DNAH9: variants seen among roughly 807,000 people sequenced by gnomAD.
DNAH9 encodes the protein DNAH9 variant protein.
DNAH9 carries 345 observed loss-of-function variants against 471.6 expected under a neutral mutation model. The ratio of observed to expected loss-of-function variants is 0.73; its 90% CI spans 0.67 to 0.80. DNAH9 has a LOEUF of 0.80. DNAH9 is among the 30% of genes least tolerant of loss of function. The pLI is 0.00. For synonymous variants in DNAH9, 2,093 were observed against 2,123.6 expected (o/e 0.99, Z 0.40); for missense variants, 5,407 against 5,609.2 (o/e 0.96, Z 1.15).
intron 15 of DNAH9, among the ~76,000 whole-genome samples, chr17:11,667,077 G>A (rs1438204731): frequency 1.3e-5 from 2 of 152,054 alleles, no homozygotes; most frequent in Non-Finnish European, 1.5e-5. Context: ...TTACATTGGC[G>A]TTACATCCAA....
intron 5 of DNAH9, 70 bp from the exon 6 acceptor site, chr17:11,619,478 T>C: frequency 1.2e-6 from 1 of 832,298 alleles, no homozygotes; most frequent in African/African-American, 1.7e-5. Flanking sequence ...ATGATTCAGT[T>C]CAGAGTTGGT....
In DNAH9 at chr17:11,608,233, A is replaced by T. The variant is rs770232544; in HGVS notation, c.522A>T (p.Ser174=). Residue 174 remains serine (S), a synonymous_variant, in exon 2 of 69, where the codon TCA becomes TCT. Coordinates refer to ENST00000262442, the MANE Select transcript of DNAH9 (RefSeq NM_001372.4). The part of the protein sequence containing the change: ...RHAHSLQCDL[S]VILEQVKGKT... ...CCCACAGCCTCCAATGTGACCTCTC[A>T]GTTATACTTGAGCAAGTGAAGGGAA... The T allele has an allele frequency of 6.2e-7, 1 of 1,614,056 alleles. No homozygotes were observed. The highest frequency in any genetic ancestry group is 8.5e-7 in the Non-Finnish European group (1 of 1,179,926).
In DNAH9 at chr17:11,745,038, C is replaced by T. The variant is rs147900285; in HGVS notation, c.6353C>T (p.Ala2118Val). The change falls in exon 31 of 69, where the codon GCG becomes GTG. Residue 2118 changes from alanine (A) to valine (V), a missense_variant. Around this residue, in one of 3 missense-constraint regions of DNAH9, gnomAD observed 4,636 missense variants for 4,900.3 expected, o/e 0.95. Coordinates refer to ENST00000262442, the MANE Select transcript of DNAH9 (RefSeq NM_001372.4). Reference sequence around the variant, plus strand: ...AACTTCGAAGCTTTGGTTAGGAAGGCGATAGTGGATCTGAAGCTCCAGGCT... The same window carrying T: ...AACTTCGAAGCTTTGGTTAGGAAGGTGATAGTGGATCTGAAGCTCCAGGCT... ...DPNFEALVRK[A>V]IVDLKLQAED... The T allele has an allele frequency of 8.7e-6, 14 of 1,613,928 alleles. No individual in the cohort carries two copies. Among genetic ancestry groups the T allele is most frequent in the African/African-American group, 5.3e-5 (4 of 74,916 alleles).
At chr17:11,670,726 G>A (rs2073959622) in intron 17 of DNAH9, among the ~76,000 whole-genome samples, 1 of 148,538 alleles carries the variant, frequency 6.7e-6, no homozygotes, top group South Asian at 2.1e-4. Context: ...TTTTTGAGAT[G>A]CAGTTTTGCT....
chr17:11,887,990 T>TG (rs1972930874), intron 57 of DNAH9, among the ~76,000 whole-genome samples: 1 of 150,116 alleles, frequency 6.7e-6, no homozygotes, highest in Non-Finnish European at 1.5e-5. Flanking sequence ...GGTTTTTTGT[T>TG]TTTTTTTTTT....
chr17:11,869,190 C>A lies in DNAH9; in HGVS notation c.9990C>A (p.Asp3330Glu). 6.2e-7 allele frequency: 1 copy of A among 1,613,826 alleles called. No homozygotes were observed. The highest frequency in any genetic ancestry group is 8.5e-7 in the Non-Finnish European group (1 of 1,179,808). ...CCAGGTTTGAGAAAGCAACAGCAGACAAACTCAAATGTCAGCAAGAAGCCG... is the reference window on the plus strand; with the variant it reads ...CCAGGTTTGAGAAAGCAACAGCAGAAAAACTCAAATGTCAGCAAGAAGCCG... The part of the protein sequence containing the change: ...LTARFEKATA[D>E]KLKCQQEAEV... The change falls in exon 51 of 69, where the codon GAC (aspartate) becomes GAA (glutamate). Residue 3330 changes from aspartate (D) to glutamate (E), a missense_variant. By Grantham distance (45) the Asp-to-Glu change is conservative (BLOSUM62 2). Transcript: ENST00000262442.
In DNAH9 at chr17:11,598,723, G is replaced by GCCCGGGCCCAGGGGCCTGGCAATACGC. The variant is rs2072314281; in HGVS notation, c.233_259dup (p.Pro78_Gly86dup). ...GGCCGCGGCCGCTGCTGGTGGTGCG[G>GCCCGGGCCCAGGGGCCTGGCAATACGC]CCCGGGCCCAGGGGCCTGGCAATAC... On this transcript the variant is annotated inframe_insertion, in exon 1 of 69. Transcript: ENST00000262442. The GCCCGGGCCCAGGGGCCTGGCAATACGC allele has an allele frequency of 7.2e-7, 1 of 1,388,360 alleles. No homozygotes were observed. The highest frequency in any genetic ancestry group is 9.3e-7 in the Non-Finnish European group (1 of 1,078,708). 86.0% of individuals were successfully genotyped at this position (1,388,360 alleles called of 1,614,324 possible).
intron 48 of DNAH9, among the ~76,000 whole-genome samples, chr17:11,830,152 G>C (rs1970638369): frequency 6.6e-6 from 1 of 152,148 alleles, no homozygotes; most frequent in Admixed American, 6.5e-5. Context: ...GGCATCTTCT[G>C]TTTCTGCGTC....
intron 17 of DNAH9, among the ~76,000 whole-genome samples, chr17:11,670,079 G>A (rs2073949980): frequency 6.6e-6 from 1 of 152,200 alleles, no homozygotes; most frequent in Non-Finnish European, 1.5e-5. Flanking sequence ...GCAGATCCAA[G>A]CTTCCTTCAC....
intron 29 of DNAH9, among the ~76,000 whole-genome samples, chr17:11,740,963 A>T (rs925470510): frequency 8.0e-6 from 1 of 124,276 alleles, no homozygotes. Context: ...TTAGTATCCT[A>T]CTTTCATTAA....
In DNAH9 at chr17:11,891,225, C is replaced by T. The variant is rs944024342; in HGVS notation, c.11113-552C>T. 2.1e-4 allele frequency among the ~76,000 whole-genome samples: 32 copies of T among 152,102 alleles called. 1 individual carries two copies. The highest frequency in any genetic ancestry group is 1.8e-3 in the Admixed American group (27 of 15,264). On this transcript the variant is annotated intron_variant, in intron 57 of 68. Coordinates refer to ENST00000262442, the MANE Select transcript of DNAH9 (RefSeq NM_001372.4). ...AGAAAGGAGGCTGCTTGCAAGGACT[C>T]GTCTTATCACTGCAGAGGTATATAT...
intron 29 of DNAH9, 49 bp from the exon 30 acceptor site, chr17:11,742,126 A>G (rs2075441490): frequency 6.3e-7 from 1 of 1,594,452 alleles, no homozygotes; most frequent in African/African-American, 1.3e-5. Flanking sequence ...TCTCCTCTTC[A>G]ACACTGTACT....
chr17:11,806,242 G>C (rs1190488242), intron 43 of DNAH9, among the ~76,000 whole-genome samples: 1 of 152,170 alleles, frequency 6.6e-6, no homozygotes, highest in Non-Finnish European at 1.5e-5. Context: ...CCCAGGAAAA[G>C]TACATGTCGG....
At chr17:11,698,797 G>A (rs576439115) in intron 22 of DNAH9, among the ~76,000 whole-genome samples, 1 of 151,790 alleles carries the variant, frequency 6.6e-6, no homozygotes, top group Non-Finnish European at 1.5e-5. Context: ...ATCCCTCCTA[G>A]CACTACAGCC....
At chr17:11,844,183 A>G (rs1391892097) in intron 49 of DNAH9, among the ~76,000 whole-genome samples, 1 of 151,988 alleles carries the variant, frequency 6.6e-6, no homozygotes, top group Non-Finnish European at 1.5e-5. Context: ...GCAGAAACAA[A>G]GAACTATATT....
At chr17:11,664,753 G>A in intron 14 of DNAH9, 80 bp from the exon 15 acceptor site, 1 of 1,209,666 alleles carries the variant, frequency 8.3e-7, no homozygotes. Flanking sequence ...TCCATATGTT[G>A]TTTTTATTTT....
chr17:11,735,841 T>A (rs576659005), intron 28 of DNAH9, among the ~76,000 whole-genome samples: 15 of 152,350 alleles, frequency 9.8e-5, no homozygotes, highest in African/African-American at 3.6e-4. Context: ...ACGTATATGC[T>A]TGATGAGAAA....
intron 41 of DNAH9, among the ~76,000 whole-genome samples, chr17:11,788,854 TATG>T (rs879508202): frequency 6.6e-5 from 10 of 152,154 alleles, no homozygotes; most frequent in Non-Finnish European, 1.2e-4. Context: ...TGCCATTAAA[TATG>T]ATATTCTCTA....
chr17:11,939,901 T>C (rs1372489659), intron 66 of DNAH9, among the ~76,000 whole-genome samples: 1 of 151,564 alleles, frequency 6.6e-6, no homozygotes, highest in Non-Finnish European at 1.5e-5. Context: ...GATGGATGGA[T>C]GGGTGATGGG....
Sources: allele counts gnomAD v4.1 joint callset (sites outside exome capture counted in the v4.1 genomes callset), GRCh38; gene constraint gnomAD v4.1.1; regional missense constraint gnomAD v4.1.1; transcripts MANE v1.5; gene names NCBI Gene and HGNC (gene_info 2026-07-23, HGNC 2026-07-21).